FLNB: variants seen among roughly 807,000 people sequenced by gnomAD.
The protein encoded by FLNB is filamin B, also known as filamin-B.
In FLNB, 111 loss-of-function variants were observed where a neutral mutation model predicts 250.6. That is an observed-to-expected ratio of 0.44 (90% CI 0.38 to 0.52). The LOEUF (loss-of-function observed/expected upper bound fraction) is 0.52. FLNB is among the 20% of genes least tolerant of loss of function. The probability of loss-of-function intolerance (pLI) is 0.00; values close to 1 mark genes in which losing one functional copy is unlikely to be tolerated. For synonymous variants in FLNB, 1,302 were observed against 1,372.1 expected (o/e 0.95, Z 1.13); for missense variants, 2,869 against 3,447.8 (o/e 0.83, Z 4.20).
intron 43 of FLNB, 113 bp from the exon 44 acceptor site, chr3:58,168,327 A>T (rs534885488): frequency 1.2e-6 from 1 of 840,990 alleles, no homozygotes; most frequent in South Asian, 1.4e-5. Flanking sequence ...TTCCCATGCC[A>T]CCAGGGTGAG....
At chr3:58,089,261 G>A (rs1459589156) in intron 4 of FLNB, among the ~76,000 whole-genome samples, 2 of 152,104 alleles carry the variant, frequency 1.3e-5, no homozygotes, top group Admixed American at 6.5e-5. Context: ...CAGTAGCCAG[G>A]CGTGGTGGCT....
chr3:58,111,531 C>A (rs1484511169), intron 16 of FLNB, among the ~76,000 whole-genome samples: 1 of 151,952 alleles, frequency 6.6e-6, no homozygotes, highest in Admixed American at 6.6e-5. Context: ...ACTCAACATT[C>A]AGTATTAAAG....
chr3:58,064,927 C>G (rs2097183435), intron 1 of FLNB, among the ~76,000 whole-genome samples: 1 of 152,132 alleles, frequency 6.6e-6, no homozygotes. Context: ...GTAGTCCCAG[C>G]TACTTAGAAA....
In FLNB at chr3:58,124,621, G is replaced by A. The variant is rs17058848; in HGVS notation, c.3898+116G>A. On this transcript the variant is annotated intron_variant, in intron 22 of 45. Transcript: ENST00000295956. ...GCTAGGCCTGTCTCAGCAGGGCCAC[G>A]TGCAGAGTGACAGAGTGGAAGTCAG... 2,175 of 1,103,204 alleles carry A rather than the reference G, an allele frequency of 2.0e-3. 26 individuals carry two copies. The African/African-American group carries it at 0.024, about 12-fold the overall frequency. The allele number at this position is 1,103,204 out of a possible 1,614,324, so 68.3% of individuals were successfully genotyped here. A position where few individuals can be genotyped will look rare whatever the true frequency, so the allele number is the denominator to read the frequency against.
chr3:58,146,089 C>T (rs1364171485), intron 33 of FLNB, 40 bp downstream of exon 33: 1 of 1,612,896 alleles, frequency 6.2e-7, no homozygotes, highest in South Asian at 1.1e-5. Flanking sequence ...TCCAGCTGTC[C>T]ATTTGGAGGG....
In FLNB at chr3:58,112,146, C is replaced by T. The variant is rs2097269916; in HGVS notation, c.2576-3C>T. 2 of 1,613,884 alleles carry T rather than the reference C, an allele frequency of 1.2e-6. No homozygotes were observed. The highest frequency in any genetic ancestry group is 1.7e-6 in the Non-Finnish European group (2 of 1,179,820). ...CTCCTCACTTCACAGTATATCTTTCCAGGTGTGGAAAATGGGAAACCGACC... is the reference window on the plus strand; with the variant it reads ...CTCCTCACTTCACAGTATATCTTTCTAGGTGTGGAAAATGGGAAACCGACC... On this transcript the variant is annotated splice_polypyrimidine_tract_variant and splice_region_variant and intron_variant, in intron 17 of 45. Transcript: ENST00000295956.
At chr3:58,135,937 A>C in intron 27 of FLNB, 42 bp from the exon 28 acceptor site, 1 of 1,601,222 alleles carries the variant, frequency 6.2e-7, no homozygotes, top group Non-Finnish European at 8.5e-7. Context: ...TGTTTTCTAC[A>C]TCTTGACAAC....
Position 58,008,824 on chromosome 3 carries a change from T to C in FLNB, c.260T>C (p.Leu87Pro). 6.2e-7 allele frequency: 1 copy of C among 1,613,910 alleles called. No individual in the cohort carries two copies. The highest frequency in any genetic ancestry group is 8.5e-7 in the Non-Finnish European group (1 of 1,180,018). Residue 87 changes from leucine (L) to proline (P), a missense_variant, in exon 1 of 46, where the codon CTG becomes CCG. This residue lies in a region of FLNB where 308 missense variants were observed against 466.1 expected (regional missense o/e 0.66). Transcript: ENST00000295956. ...LENVSVALEF[L>P]DRESIKLVSI... ...AATGTGTCCGTGGCGCTCGAGTTCC[T>C]GGACCGTGAGAGCATCAAGCTCGTG... is the stretch of plus-strand genomic sequence containing the variant.
At position 58,170,777 on chromosome 3, in the gene FLNB, A is replaced by C; in HGVS notation, c.*15A>C. 1 of 1,611,650 alleles carries C rather than the reference A, an allele frequency of 6.2e-7. No individual in the cohort carries two copies. Among genetic ancestry groups the C allele is most frequent in the South Asian group, 1.1e-5 (1 of 90,904 alleles). Reference sequence around the variant, plus strand: ...CAGTGCCTTAAAACAGTTTTCTCAAATCCTGGAGAGAGTTCTTGTGGTTGC... The same window carrying C: ...CAGTGCCTTAAAACAGTTTTCTCAACTCCTGGAGAGAGTTCTTGTGGTTGC... On this transcript the variant is annotated 3_prime_UTR_variant, in exon 46 of 46. Coordinates refer to ENST00000295956, the MANE Select transcript of FLNB (RefSeq NM_001457.4).
rs1199380353 is a variant in FLNB, at chr3:58,154,929, G to C, written c.6772+1G>C. ...GTATCTTATATTGCCCAAGAGCCTG[G>C]TATGTATTCAGGGTTCACAAGAGGA... On this transcript the variant is annotated splice_donor_variant, in intron 40 of 45. Coordinates refer to ENST00000295956, the MANE Select transcript of FLNB (RefSeq NM_001457.4). LOFTEE classifies it high-confidence loss of function. 1 of 1,613,428 alleles carries C rather than the reference G, an allele frequency of 6.2e-7. No homozygotes were observed. The highest frequency in any genetic ancestry group is 1.3e-5 in the African/African-American group (1 of 74,896).
chr3:58,085,166 C>T (rs1242752699), intron 4 of FLNB, among the ~76,000 whole-genome samples: 2 of 152,214 alleles, frequency 1.3e-5, no homozygotes, highest in Non-Finnish European at 2.9e-5. Flanking sequence ...GTTTGAGACC[C>T]TGCTTTCAAT....
At chr3:58,132,504 AC>A in intron 25 of FLNB, 1 of 483,126 alleles carries the variant, frequency 2.1e-6, no homozygotes, top group Non-Finnish European at 3.8e-6. Context: ...TCTTCAACAC[AC>A]ATCATCCACA....
intron 36 of FLNB, 50 bp downstream of exon 36, chr3:58,148,902 T>C (rs74733805): frequency 2.0e-6 from 3 of 1,530,872 alleles, no homozygotes; most frequent in Non-Finnish European, 2.7e-6. Flanking sequence ...AACCGACTTA[T>C]TTTGCTGAGG....
At chr3:58,121,944 C>T (rs567847561) in intron 20 of FLNB, among the ~76,000 whole-genome samples, 140 of 149,050 alleles carry the variant, frequency 9.4e-4, no homozygotes, top group Non-Finnish European at 1.7e-3. Context: ...CCGAGGCGGG[C>T]GGATCATGAG....
chr3:58,013,891 G>C (rs1253851191), intron 1 of FLNB, among the ~76,000 whole-genome samples: 1 of 152,168 alleles, frequency 6.6e-6, no homozygotes, highest in Non-Finnish European at 1.5e-5. Flanking sequence ...CATGTACAAG[G>C]TGGCACATTA....
intron 1 of FLNB, among the ~76,000 whole-genome samples, chr3:58,071,274 C>CTTTTTTTT (rs57488190): frequency 1.2e-5 from 1 of 81,604 alleles, no homozygotes; most frequent in South Asian, 5.0e-4. Context: ...CTCCTCGATT[C>CTTTTTTTT]TTTTTTTTTT....
chr3:58,115,814 C>A (rs544465045), intron 18 of FLNB, among the ~76,000 whole-genome samples: 1 of 151,904 alleles, frequency 6.6e-6, no homozygotes, highest in South Asian at 2.1e-4. Context: ...GAAGAGAAGA[C>A]CAAAGTCCTC....
chr3:58,149,380 C>G (rs183134659), intron 36 of FLNB: 24 of 248,666 alleles, frequency 9.7e-5, no homozygotes, highest in African/African-American at 5.2e-4. Flanking sequence ...AATTCTAACC[C>G]GGGGAGAGGG....
chr3:58,009,772 C>G (rs1051293238), intron 1 of FLNB, among the ~76,000 whole-genome samples: 2 of 152,122 alleles, frequency 1.3e-5, no homozygotes, highest in African/African-American at 4.8e-5. Flanking sequence ...GTTTTCCTCT[C>G]CTCTCCCAAA....
Sources: gnomAD v4.1 joint callset for allele counts (sites outside exome capture counted in the v4.1 genomes callset) on GRCh38, gnomAD v4.1.1 for gene constraint, gnomAD v4.1.1 regional missense constraint, MANE v1.5 for transcripts, NCBI Gene and HGNC (gene_info 2026-07-23, HGNC 2026-07-21) for gene names.